Variants in ERBB2 observed in about 807,000 individuals in gnomAD.
ERBB2 encodes receptor tyrosine-protein kinase erbB-2.
In ERBB2, 61 loss-of-function variants were observed where a neutral mutation model predicts 149.0. That is an observed-to-expected ratio of 0.41 (90% confidence interval 0.33 to 0.51). The LOEUF (loss-of-function observed/expected upper bound fraction) is 0.51, where lower values mean the gene tolerates loss of function less well. ERBB2 is among the 20% of genes least tolerant of loss of function. The pLI, the probability that ERBB2 is intolerant of heterozygous loss-of-function variation, is 0.25. For missense variants in ERBB2, 1,205 were observed against 1,655.1 expected, an observed-to-expected ratio of 0.73 and a Z score of 4.72; for synonymous variants, 633 against 678.8, an observed-to-expected ratio of 0.93 and a Z score of 1.05.
At chr17:39,719,881 CA>C in intron 16 of ERBB2, 47 bp downstream of exon 16, 1 of 1,583,756 alleles carries the variant, frequency 6.3e-7, no homozygotes, top group South Asian at 1.1e-5. Flanking sequence ...TTCACTCCCC[CA>C]CTGGATGCTG....
Position 39,710,334 on chromosome 17 carries a change from C to T in ERBB2, c.760-6C>T, listed in dbSNP as rs977499284. ...CACAGTGAAAGCCAGCCACCTGTCC[C>T]CCCAGGCCTGCCTCCACTTCAACCA... is the stretch of plus-strand genomic sequence containing the variant. On this transcript the variant is annotated splice_region_variant and splice_polypyrimidine_tract_variant and intron_variant, in intron 6 of 26. Coordinates refer to ENST00000269571, the MANE Select transcript of ERBB2 (RefSeq NM_004448.4). The T allele has an allele frequency of 6.2e-7, 1 of 1,614,126 alleles. No homozygotes were observed. The highest frequency in any genetic ancestry group is 8.5e-7 in the Non-Finnish European group (1 of 1,180,038).
intron 4 of ERBB2, 96 bp from the exon 5 acceptor site, chr17:39,709,717 G>C: frequency 8.0e-7 from 1 of 1,257,334 alleles, no homozygotes; most frequent in Non-Finnish European, 1.1e-6. Flanking sequence ...AGTTGGCCTC[G>C]TGGCCTCTGC....
At chr17:39,701,086 G>A (rs1474909872) in intron 1 of ERBB2, among the ~76,000 whole-genome samples, 1 of 152,064 alleles carries the variant, frequency 6.6e-6, no homozygotes, top group Non-Finnish European at 1.5e-5. Flanking sequence ...AATAAGGCCA[G>A]ATGGGAGCCT....
intron 16 of ERBB2, 136 bp downstream of exon 16, chr17:39,719,970 C>A: frequency 2.5e-6 from 2 of 796,426 alleles, no homozygotes; most frequent in Non-Finnish European, 4.3e-6. Context: ...AACCTCCTGT[C>A]ATTTTCCACT....
chr17:39,712,506 C>T, intron 9 of ERBB2, 58 bp downstream of exon 9: 1 of 1,585,080 alleles, frequency 6.3e-7, no homozygotes, highest in Non-Finnish European at 8.6e-7. Context: ...CCTGAGGATC[C>T]AGATGTGGCA....
Position 39,727,426 on chromosome 17 carries a change from G to T in ERBB2, c.3291G>T (p.Gly1097=), listed in dbSNP as rs1445543343. 1.9e-6 allele frequency: 3 copies of T among 1,611,578 alleles called. No homozygotes were observed. Among genetic ancestry groups the T allele is most frequent in the Non-Finnish European group, 8.5e-7 (1 of 1,179,148 alleles). The part of the protein sequence containing the change: ...DGDLGMGAAK[G]LQSLPTHDPS... ...ACCTGGGAATGGGGGCAGCCAAGGG[G>T]CTGCAAAGCCTCCCCACACATGACC... The change falls in exon 26 of 27, where the codon GGG becomes GGT. Residue 1097 remains glycine (G), a synonymous_variant. Transcript: ENST00000269571. The surrounding 1 kb of genome is among the most constrained non-coding windows in gnomAD (Gnocchi z 4.3).
chr17:39,710,260 A>C (rs2145511009), intron 6 of ERBB2, 59 bp downstream of exon 6: 1 of 1,606,576 alleles, frequency 6.2e-7, no homozygotes, highest in Non-Finnish European at 8.5e-7. Context: ...AGGGGTGGGC[A>C]CCCTGCCTGG....
upstream of ERBB2, among the ~76,000 whole-genome samples, chr17:39,698,957 TTA>T (rs1491132133): frequency 7.4e-6 from 1 of 136,040 alleles, no homozygotes; most frequent in Non-Finnish European, 1.6e-5. Flanking sequence ...CTTGTTGAAA[TTA>T]AAAAAAAAAA....
chr17:39,722,729 CT>C lies in ERBB2; in HGVS notation c.1947-578del, dbSNP rs879935640. 7.1e-3 allele frequency among the ~76,000 whole-genome samples: 1,023 copies of C among 144,472 alleles called. 6 individuals carry two copies. Among genetic ancestry groups the C allele is most frequent in the African/African-American group, 0.021 (854 of 39,824 alleles). 94.8% of individuals were successfully genotyped at this position (144,472 alleles called of 152,430 possible). On this transcript the variant is annotated intron_variant, in intron 16 of 26. Transcript: ENST00000269571. ...TGTGTATTAACAGTCTCCTTAGTGA[CT>C]TTTTTTTTTTTGAGATGGAGTCTTG... is the stretch of plus-strand genomic sequence containing the variant.
upstream of ERBB2, among the ~76,000 whole-genome samples, chr17:39,694,260 T>TATATATACACAC (rs1567888117): frequency 1.7e-4 from 4 of 23,492 alleles, no homozygotes; most frequent in Non-Finnish European, 3.3e-4. Context: ...TATATATATA[T>TATATATACACAC]ATATATATGT....
chr17:39,694,267 A>G (rs866977708), upstream of ERBB2, among the ~76,000 whole-genome samples: 1,868 of 25,508 alleles, frequency 0.073, 106 homozygotes, highest in Admixed American at 0.17. Flanking sequence ...ATATATATAT[A>G]TGTGTGTATA....
rs751793425 is a variant in ERBB2 at position 39,712,311 on chromosome 17, C to T, written c.1022-11C>T. The T allele has an allele frequency of 2.5e-6, 4 of 1,613,580 alleles. No homozygotes were observed. The highest frequency in any genetic ancestry group is 2.5e-6 in the Non-Finnish European group (3 of 1,179,868). The stretch of plus-strand genomic sequence containing the variant: ...AGACGGCCCCTTCCCCACCCACCCC[C>T]ACCTCCTCAGTGTGCTATGGTCTGG... On this transcript the variant is annotated splice_polypyrimidine_tract_variant and intron_variant, in intron 8 of 26. Coordinates refer to ENST00000269571, the MANE Select transcript of ERBB2 (RefSeq NM_004448.4).
At chr17:39,706,747 C>T (rs2058465188) in intron 1 of ERBB2, 1 of 368,322 alleles carries the variant, frequency 2.7e-6, no homozygotes, top group African/African-American at 2.1e-5. Flanking sequence ...GGGGCAGCCT[C>T]TGAATGCACA....
chr17:39,721,435 G>A (rs183123111), intron 16 of ERBB2, among the ~76,000 whole-genome samples: 1 of 152,102 alleles, frequency 6.6e-6, no homozygotes, highest in East Asian at 1.9e-4. Context: ...TACCACGTCC[G>A]GCTAATTTTT....
rs747649097 is a variant in ERBB2 at position 39,726,113 on chromosome 17, C to T, written c.2872+260C>T. ...CTTTTGGAGGCTGAGGTGGGAGGATCCCTTGAAGCCAGGAGTTCAAGACCA... is the reference window on the plus strand; with the variant it reads ...CTTTTGGAGGCTGAGGTGGGAGGATTCCTTGAAGCCAGGAGTTCAAGACCA... On this transcript the variant is annotated intron_variant, in intron 23 of 26. Coordinates refer to ENST00000269571, the MANE Select transcript of ERBB2 (RefSeq NM_004448.4). The surrounding 1 kb of genome is among the most constrained non-coding windows in gnomAD (Gnocchi z 5.1). 98 of 474,188 alleles carry T rather than the reference C, an allele frequency of 2.1e-4. No individual in the cohort carries two copies. Among genetic ancestry groups the T allele is most frequent in the Non-Finnish European group, 3.2e-4 (86 of 267,766 alleles). 29.4% of individuals were successfully genotyped at this position (474,188 alleles called of 1,614,324 possible).
chr17:39,688,639 C>T (rs1411803137), intron 1 of ERBB2: 3 of 152,464 alleles, frequency 2.0e-5, no homozygotes, highest in Non-Finnish European at 4.4e-5. Context: ...CTATGTCCCT[C>T]AAGCTTCCTG....
At chr17:39,721,261 CTTTTTTTTTTT>C (rs33957748) in intron 16 of ERBB2, among the ~76,000 whole-genome samples, 2 of 82,950 alleles carry the variant, frequency 2.4e-5, no homozygotes, top group African/African-American at 8.6e-5. Context: ...TGAGCCAAGT[CTTTTTTTTTTT>C]TTTTTTTTTT....
At chr17:39,707,170 C>A (rs2145413337) in intron 2 of ERBB2, 29 bp downstream of exon 2, 2 of 1,523,864 alleles carry the variant, frequency 1.3e-6, no homozygotes, top group South Asian at 1.3e-5. Flanking sequence ...CCAGCCAGGC[C>A]CTGCCTCCAG....
intron 1 of ERBB2, among the ~76,000 whole-genome samples, chr17:39,704,853 C>T (rs2058333283): frequency 6.6e-6 from 1 of 152,156 alleles, no homozygotes; most frequent in Non-Finnish European, 1.5e-5. Context: ...TCCAGCCCAA[C>T]CCAGCCCAGC....
Sources: allele counts gnomAD v4.1 joint callset (sites outside exome capture counted in the v4.1 genomes callset), GRCh38; gene constraint gnomAD v4.1.1; non-coding constraint Gnocchi (gnomAD v3.1); transcripts MANE v1.5; gene names NCBI Gene and HGNC (gene_info 2026-07-23, HGNC 2026-07-21).